Variants in CFAP46 observed in about 807,000 individuals in gnomAD.
CFAP46 encodes cilia- and flagella-associated protein 46.
CFAP46 carries 245 observed loss-of-function variants against 325.7 expected under a neutral mutation model. That is an observed-to-expected ratio of 0.75 (90% confidence interval 0.68 to 0.84). CFAP46 has a LOEUF of 0.84. Ranked by LOEUF, CFAP46 falls within the 40% of genes least tolerant of loss-of-function variation. The pLI is 0.00. For synonymous variants in CFAP46, 1,523 were observed against 1,495.9 expected, an observed-to-expected ratio of 1.02 and a Z score of -0.42; for missense variants, 3,346 against 3,543.0, an observed-to-expected ratio of 0.94 and a Z score of 1.41.
At chr10:132,941,749 T>A in intron 2 of CFAP46, 27 bp from the exon 3 acceptor site, 1 of 1,613,060 alleles carries the variant, frequency 6.2e-7, no homozygotes, top group South Asian at 1.1e-5. Context: ...CCACAGAAGA[T>A]CACAGACCCG....
intron 21 of CFAP46, 110 bp from the exon 22 acceptor site, chr10:132,908,744 C>T: frequency 7.5e-7 from 1 of 1,339,532 alleles, no homozygotes; most frequent in South Asian, 1.5e-5. Context: ...AGAGGCGTGG[C>T]CTGTGAAGGG....
At chr10:132,834,229 G>T in intron 48 of CFAP46, 106 bp from the exon 49 acceptor site, 1 of 1,001,458 alleles carries the variant, frequency 1.0e-6, no homozygotes, top group Non-Finnish European at 1.5e-6. Flanking sequence ...GCAGCACCAC[G>T]AATCCCCACG....
In CFAP46 at chr10:132,942,115, C is replaced by T. The variant is rs1186114393; in HGVS notation, c.50-11G>A. 1.3e-6 allele frequency: 2 copies of T among 1,551,446 alleles called. No individual in the cohort carries two copies. The highest frequency in any genetic ancestry group is 1.7e-6 in the Non-Finnish European group (2 of 1,146,888). ...TCAAGGACGCAGCATCTGTCCCAAACGGGTGGTTGAGGAAGGTTTGGTCAC... is the reference window on the plus strand; with the variant it reads ...TCAAGGACGCAGCATCTGTCCCAAATGGGTGGTTGAGGAAGGTTTGGTCAC... On this transcript the variant is annotated splice_polypyrimidine_tract_variant and intron_variant, in intron 1 of 57. Coordinates refer to ENST00000368586, the MANE Select transcript of CFAP46 (RefSeq NM_001200049.3).
intron 49 of CFAP46, 31 bp downstream of exon 49, chr10:132,834,010 C>A (rs551987135): frequency 6.2e-7 from 1 of 1,605,836 alleles, no homozygotes; most frequent in East Asian, 2.2e-5. Context: ...ATGAGCTCCC[C>A]AGGCTGAGTG....
Position 132,871,692 on chromosome 10 carries a change from G to A in CFAP46, c.4511+984C>T, listed in dbSNP as rs1189564311. 2.6e-5 allele frequency among the ~76,000 whole-genome samples: 4 copies of A among 152,240 alleles called. No individual in the cohort carries two copies. The East Asian group carries it at 7.7e-4, about 29-fold the overall frequency. ...ATCTCAAGAGAAAACTTGAATGGAT[G>A]CGGAATTGCCTCTTATGGATGAGCA... On this transcript the variant is annotated intron_variant, in intron 32 of 57. Transcript: ENST00000368586.
intron 50 of CFAP46, among the ~76,000 whole-genome samples, chr10:132,822,557 CGCTGATGTGTGCTGTGTGTGT>C (rs1180123328): frequency 2.2e-5 from 2 of 89,486 alleles, no homozygotes; most frequent in African/African-American, 4.6e-5. Flanking sequence ...GCTGTGTGTG[CGCTGATGTGTGCTGTGTGTGT>C]GCTGTGTGCT....
chr10:132,843,899 G>A (rs1848390876), intron 44 of CFAP46, among the ~76,000 whole-genome samples: 1 of 138,882 alleles, frequency 7.2e-6, no homozygotes, highest in Non-Finnish European at 1.5e-5. Context: ...TCAGGGTGCT[G>A]TGGGGCTGCT....
At chr10:132,814,957 C>A (rs377598185) in intron 50 of CFAP46, 43 bp from the exon 51 acceptor site, 3 of 1,571,930 alleles carry the variant, frequency 1.9e-6, no homozygotes, top group Non-Finnish European at 2.6e-6. Context: ...GGCAGCAGCT[C>A]GAGGCAGCCC....
chr10:132,877,305 G>A lies in CFAP46; in HGVS notation c.4213-344C>T, dbSNP rs1383973522. On this transcript the variant is annotated intron_variant, in intron 30 of 57. Transcript: ENST00000368586. This position sits in a 1 kb window ranked among gnomAD's most constrained non-coding sequence, Gnocchi z 5.7. ...CTCGTGCTGGGGTCCGGGTGTGAGC[G>A]TCCCATGAACTCAGCAGTGCTCGTG... 2.0e-5 allele frequency among the ~76,000 whole-genome samples: 3 copies of A among 152,116 alleles called. No homozygotes were observed. Among genetic ancestry groups the A allele is most frequent in the Non-Finnish European group, 2.9e-5 (2 of 68,016 alleles).
rs1356072196 is a variant in CFAP46, at chr10:132,869,348, C to T, written c.4536G>A (p.Leu1512=). 1.3e-6 allele frequency: 2 copies of T among 1,537,670 alleles called. No individual in the cohort carries two copies. The highest frequency in any genetic ancestry group is 1.7e-6 in the Non-Finnish European group (2 of 1,144,470). ...HLRLAHACSE[L]KLREAAARHE... ...GGCGCGCGGCTGCTTCTCTCAGCTT[C>T]AGCTCGGAGCACGCGTGGGCGAGGC... Residue 1512 remains leucine, a synonymous_variant, in exon 33 of 58, where the codon CTG becomes CTA. Coordinates refer to ENST00000368586, the MANE Select transcript of CFAP46 (RefSeq NM_001200049.3). The surrounding 1 kb of genome is among the most constrained non-coding windows in gnomAD (Gnocchi z 6.2).
intron 9 of CFAP46, among the ~76,000 whole-genome samples, chr10:132,927,372 T>A (rs1849827593): frequency 6.7e-6 from 1 of 149,506 alleles, no homozygotes; most frequent in Non-Finnish European, 1.5e-5. Flanking sequence ...GACGCCTCCG[T>A]CCCGGGGAGC....
rs953228414 is a variant in CFAP46 at position 132,828,917 on chromosome 10, AT to A, written c.7117+4440del. Reference sequence around the variant, plus strand: ...TGGCGTGCTTCTGGTTCCCCGCCCCATCCCCTGGGTCTACACGGCTACCGTC... The same window carrying A: ...TGGCGTGCTTCTGGTTCCCCGCCCCACCCCTGGGTCTACACGGCTACCGTC... On this transcript the variant is annotated intron_variant, in intron 50 of 57. Transcript: ENST00000368586. The surrounding 1 kb of genome is among the most constrained non-coding windows in gnomAD (Gnocchi z 4.9). 6.6e-6 allele frequency among the ~76,000 whole-genome samples: 1 copy of A among 152,020 alleles called. No individual in the cohort carries two copies. Among genetic ancestry groups the A allele is most frequent in the African/African-American group, 2.4e-5 (1 of 41,356 alleles).
At chr10:132,815,719 G>T (rs1196503437) in intron 50 of CFAP46, among the ~76,000 whole-genome samples, 1 of 152,224 alleles carries the variant, frequency 6.6e-6, no homozygotes, top group Non-Finnish European at 1.5e-5. Flanking sequence ...CCAGGAGGTG[G>T]AGGCTGCAGT....
At position 132,885,166 on chromosome 10, in the gene CFAP46, G is replaced by C; in HGVS notation, c.3564C>G (p.Ala1188=). The change falls in exon 27 of 58, where the codon GCC becomes GCG. Residue 1188 remains alanine, a synonymous_variant. Coordinates refer to ENST00000368586, the MANE Select transcript of CFAP46 (RefSeq NM_001200049.3). ...CTCCAGACACGCTCGGCGAGTTCAGGGCCAGGCGGTGCCACATGCGCGCCA... is the reference window on the plus strand; with the variant it reads ...CTCCAGACACGCTCGGCGAGTTCAGCGCCAGGCGGTGCCACATGCGCGCCA... ...DYLARMWHRL[A]LNSPSVSGEL... 1 of 1,550,486 alleles carries C rather than the reference G, an allele frequency of 6.4e-7. No individual in the cohort carries two copies. Among genetic ancestry groups the C allele is most frequent in the Non-Finnish European group, 8.7e-7 (1 of 1,146,984 alleles).
rs756328144 is a variant in CFAP46 at position 132,920,001 on chromosome 10, G to C, written c.1730+58C>G. 9.0e-6 allele frequency: 13 copies of C among 1,442,654 alleles called. No individual in the cohort carries two copies. In the African/African-American group the frequency reaches 1.9e-4, roughly 21 times the overall value. 89.4% of individuals were successfully genotyped at this position (1,442,654 alleles called of 1,614,324 possible). A position where few individuals can be genotyped will look rare whatever the true frequency, so the allele number is the denominator to read the frequency against. ...TCAGCCGCCACAGACACTGGCCCTCGGGCTGAGCGACCCCCGGGCTGAGCT... is the reference window on the plus strand; with the variant it reads ...TCAGCCGCCACAGACACTGGCCCTCCGGCTGAGCGACCCCCGGGCTGAGCT... On this transcript the variant is annotated intron_variant, in intron 14 of 57. Coordinates refer to ENST00000368586, the MANE Select transcript of CFAP46 (RefSeq NM_001200049.3).
In CFAP46 at chr10:132,905,823, C is replaced by T. The variant is rs138529554; in HGVS notation, c.2924+2645G>A. On this transcript the variant is annotated intron_variant, in intron 22 of 57. Transcript: ENST00000368586. ...TTTTCAGCCTCAGCACATCCAGGGC[C>T]TGAGGGGCCAGGGTGGGTGGCAGGC... Among the ~76,000 whole-genome samples the T allele has an allele frequency of 2.7e-4, 41 of 152,336 alleles. 1 individual carries two copies. The East Asian group carries it at 6.4e-3, about 24-fold the overall frequency.
chr10:132,829,676 G>T (rs892843004), intron 50 of CFAP46, among the ~76,000 whole-genome samples: 1 of 152,234 alleles, frequency 6.6e-6, no homozygotes, highest in Non-Finnish European at 1.5e-5. Flanking sequence ...GATGTCCTTT[G>T]CCAGCTGGAA....
At chr10:132,906,454 G>T (rs1194604940) in intron 22 of CFAP46, among the ~76,000 whole-genome samples, 1 of 152,010 alleles carries the variant, frequency 6.6e-6, no homozygotes, top group African/African-American at 2.4e-5. Context: ...CGGGGTCCTG[G>T]CGCGTGATGC....
intron 46 of CFAP46, among the ~76,000 whole-genome samples, 187 bp from the exon 47 acceptor site, chr10:132,835,621 C>G (rs547495256): frequency 1.3e-5 from 2 of 152,266 alleles, no homozygotes; most frequent in South Asian, 4.1e-4. Flanking sequence ...ATTGCGCAGG[C>G]AGCGGATGGG....
Sources: gnomAD v4.1 joint callset for allele counts (sites outside exome capture counted in the v4.1 genomes callset) on GRCh38, gnomAD v4.1.1 for gene constraint, Gnocchi (gnomAD v3.1) non-coding constraint, MANE v1.5 for transcripts, NCBI Gene and HGNC (gene_info 2026-07-23, HGNC 2026-07-21) for gene names.